PTPN12: variants seen among roughly 807,000 people sequenced by gnomAD.
PTPN12 encodes tyrosine-protein phosphatase non-receptor type 12.
Under a neutral mutation model 97.6 loss-of-function variants are expected in PTPN12, and 29 were observed. That is an observed-to-expected ratio of 0.30 (90% CI 0.22 to 0.41). PTPN12 has a LOEUF of 0.41. PTPN12 is among the 10% of genes least tolerant of loss of function. The probability of loss-of-function intolerance (pLI) is 1.00; values close to 1 mark genes in which losing one functional copy is unlikely to be tolerated. For missense variants in PTPN12, 819 were observed against 926.0 expected, an observed-to-expected ratio of 0.88 and a Z score of 1.50; for synonymous variants, 327 against 300.4, an observed-to-expected ratio of 1.09 and a Z score of -0.91.
In PTPN12 at chr7:77,601,014, T is replaced by C. The variant is rs1788172122; in HGVS notation, c.695+208T>C. Reference sequence around the variant, plus strand: ...GCATTAAAACACAGGATCATCTATTTGAAAATAGTATTCACATGGTGGGAA... The same window carrying C: ...GCATTAAAACACAGGATCATCTATTCGAAAATAGTATTCACATGGTGGGAA... On this transcript the variant is annotated intron_variant, in intron 8 of 17. Transcript: ENST00000248594. 6.0e-6 allele frequency: 3 copies of C among 498,516 alleles called. No homozygotes were observed. In the East Asian group the frequency reaches 9.9e-5, roughly 16 times the overall value. 30.9% of individuals were successfully genotyped at this position (498,516 alleles called of 1,614,324 possible).
At chr7:77,595,050 A>G (rs1445567027) in intron 6 of PTPN12, among the ~76,000 whole-genome samples, 2 of 152,238 alleles carry the variant, frequency 1.3e-5, no homozygotes, top group African/African-American at 4.8e-5. Flanking sequence ...GTTCACAAAG[A>G]AAAAACAAAA....
chr7:77,559,881 G>C (rs536683446), intron 1 of PTPN12, among the ~76,000 whole-genome samples: 2 of 152,204 alleles, frequency 1.3e-5, no homozygotes, highest in Non-Finnish European at 2.9e-5. Context: ...TTATAATCTT[G>C]GGTGATGGCG....
chr7:77,607,199 C>T (rs1464613269), intron 8 of PTPN12, 36 bp from the exon 9 acceptor site: 2 of 1,475,798 alleles, frequency 1.4e-6, no homozygotes, highest in African/African-American at 2.8e-5. Flanking sequence ...TGTTTTATCA[C>T]AAAAATCAAT....
chr7:77,592,366 A>C, intron 6 of PTPN12, 110 bp downstream of exon 6: 1 of 903,264 alleles, frequency 1.1e-6, no homozygotes, highest in Non-Finnish European at 1.6e-6. Context: ...CCAAGGACTC[A>C]CAAACCTATG....
intron 8 of PTPN12, among the ~76,000 whole-genome samples, chr7:77,604,216 T>TTC (rs1220320967): frequency 8.7e-6 from 1 of 114,326 alleles, no homozygotes; most frequent in Non-Finnish European, 1.8e-5. Flanking sequence ...TTCCTTTTTT[T>TTC]TTTTTTTTTT....
chr7:77,600,993 T>C, intron 8 of PTPN12, 187 bp downstream of exon 8: 1 of 539,132 alleles, frequency 1.9e-6, no homozygotes, highest in Non-Finnish European at 3.3e-6. Flanking sequence ...ATTGTTGCAT[T>C]AAAACACAGG....
chr7:77,539,288 A>T (rs1468832949), intron 1 of PTPN12, among the ~76,000 whole-genome samples: 4 of 152,220 alleles, frequency 2.6e-5, no homozygotes, highest in Admixed American at 2.6e-4. Context: ...AAGTTTTCTC[A>T]GTATCTTTTG....
intron 1 of PTPN12, chr7:77,537,958 T>G (rs73703398): frequency 0.17 from 134,257 of 798,076 alleles, 14,779 homozygotes; most frequent in East Asian, 0.75. Context: ...CCGGGAGCCG[T>G]AGGCAAGTGA....
chr7:77,563,863 A>C (rs776994304), intron 1 of PTPN12: 70 of 354,166 alleles, frequency 2.0e-4, no homozygotes, highest in South Asian at 1.4e-3. Context: ...TGTATAGTTG[A>C]AAGACCCTTT....
chr7:77,615,140 C>T (rs367721236), intron 11 of PTPN12, among the ~76,000 whole-genome samples: 1 of 152,154 alleles, frequency 6.6e-6, no homozygotes, highest in Non-Finnish European at 1.5e-5. Flanking sequence ...GACACCGTTA[C>T]AAGTACTGTC....
At chr7:77,569,914 C>T (rs990983315) in intron 1 of PTPN12, among the ~76,000 whole-genome samples, 5 of 152,156 alleles carry the variant, frequency 3.3e-5, no homozygotes, top group African/African-American at 4.8e-5. Flanking sequence ...GTCTTGAACT[C>T]CTGGCTTCAA....
intron 1 of PTPN12, among the ~76,000 whole-genome samples, chr7:77,557,601 G>A (rs1807780899): frequency 6.6e-6 from 1 of 152,010 alleles, no homozygotes; most frequent in Admixed American, 6.6e-5. Context: ...ACAGTTCTGT[G>A]GCATTAGATA....
At chr7:77,618,064 A>C (rs1201588784) in intron 11 of PTPN12, among the ~76,000 whole-genome samples, 1 of 152,164 alleles carries the variant, frequency 6.6e-6, no homozygotes, top group African/African-American at 2.4e-5. Context: ...AGTCATAAAA[A>C]GATACTCCAT....
At chr7:77,612,827 A>G (rs1299585087) in intron 11 of PTPN12, among the ~76,000 whole-genome samples, 1 of 148,190 alleles carries the variant, frequency 6.7e-6, no homozygotes, top group Admixed American at 6.8e-5. Context: ...TCACTCTGTC[A>G]CTTAGGCTGG....
At chr7:77,634,690 C>T (rs935867840) in intron 14 of PTPN12, among the ~76,000 whole-genome samples, 3 of 152,056 alleles carry the variant, frequency 2.0e-5, no homozygotes, top group African/African-American at 4.8e-5. Flanking sequence ...ATCCGCCCAC[C>T]TCAGCCTCTC....
intron 2 of PTPN12, among the ~76,000 whole-genome samples, chr7:77,572,756 T>G (rs1000255466): frequency 2.0e-5 from 3 of 152,134 alleles, no homozygotes; most frequent in Non-Finnish European, 2.9e-5. Flanking sequence ...CTTTTTAGGA[T>G]TATTTGCACA....
At chr7:77,598,402 C>G (rs938612589) in intron 7 of PTPN12, among the ~76,000 whole-genome samples, 2 of 151,908 alleles carry the variant, frequency 1.3e-5, no homozygotes, top group African/African-American at 2.4e-5. Flanking sequence ...AAGTTGAGGC[C>G]AGGTATGGTG....
At chr7:77,611,108 A>T in intron 11 of PTPN12, 62 bp downstream of exon 11, 1 of 1,334,752 alleles carries the variant, frequency 7.5e-7, no homozygotes, top group Non-Finnish European at 1.1e-6. Context: ...TGTAATATTT[A>T]GCCTTTTTTT....
At chr7:77,627,895 A>G (rs947272323) in intron 13 of PTPN12, among the ~76,000 whole-genome samples, 3 of 152,210 alleles carry the variant, frequency 2.0e-5, no homozygotes, top group African/African-American at 7.2e-5. Flanking sequence ...AAATTATTTT[A>G]GTAGTTATAA....
Sources: allele counts gnomAD v4.1 joint callset (sites outside exome capture counted in the v4.1 genomes callset), GRCh38; gene constraint gnomAD v4.1.1; transcripts MANE v1.5; gene names NCBI Gene and HGNC (gene_info 2026-07-23, HGNC 2026-07-21).